The following HTT variants were observed in gnomAD, a reference collection of about 807,000 sequenced individuals.
HTT encodes the protein huntingtin.
HTT carries 104 observed loss-of-function variants against 362.3 expected under a neutral mutation model. That is an observed-to-expected ratio of 0.29 (90% CI 0.24 to 0.34). The LOEUF (loss-of-function observed/expected upper bound fraction) is 0.34. HTT is among the 10% of genes least tolerant of loss of function. The pLI is 1.00. For synonymous variants in HTT, 1,577 were observed against 1,548.7 expected (o/e 1.02, Z -0.43); for missense variants, 3,301 against 3,928.6 (o/e 0.84, Z 4.27).
chr4:3,210,952 G>A (rs1720128451), intron 47 of HTT, among the ~76,000 whole-genome samples: 1 of 133,736 alleles, frequency 7.5e-6, no homozygotes, highest in Non-Finnish European at 1.5e-5. Context: ...CCCCAGGCTG[G>A]AGTGCAATGG....
At chr4:3,202,148 C>G (rs1274887773) in intron 41 of HTT, among the ~76,000 whole-genome samples, 1 of 152,166 alleles carries the variant, frequency 6.6e-6, no homozygotes, top group Admixed American at 6.5e-5. Context: ...CCTGCCTATA[C>G]TTTGGCGCTT....
At chr4:3,088,466 G>A (rs372735508) in intron 2 of HTT, among the ~76,000 whole-genome samples, 18 of 152,212 alleles carry the variant, frequency 1.2e-4, no homozygotes, top group South Asian at 2.1e-4. Context: ...GAGCCACCGC[G>A]CCCGGCCCTC....
In HTT at chr4:3,209,498, T is replaced by C. The variant is rs547471149; in HGVS notation, c.6292-329T>C. The stretch of plus-strand genomic sequence containing the variant: ...TATTCGCTAAGCACCTGCCCTGCCC[T>C]GGTTGCTGGGGAGAGATGAGTAAAG... On this transcript the variant is annotated intron_variant, in intron 46 of 66. Coordinates refer to ENST00000355072, the MANE Select transcript of HTT (RefSeq NM_001388492.1). Among the ~76,000 whole-genome samples the C allele has an allele frequency of 2.6e-5, 4 of 152,356 alleles. No individual in the cohort carries two copies. In the East Asian group the frequency reaches 7.7e-4, roughly 29 times the overall value.
chr4:3,117,461 A>G (rs1234839042), intron 8 of HTT, among the ~76,000 whole-genome samples: 1 of 152,110 alleles, frequency 6.6e-6, no homozygotes, highest in Non-Finnish European at 1.5e-5. Context: ...TTTGAAAGCA[A>G]ACCCCAATTA....
rs1713211112 is a variant in HTT at position 3,086,428 on chromosome 4, TG to T, written c.264-508del. On this transcript the variant is annotated intron_variant, in intron 1 of 66. Transcript: ENST00000355072. ...GCTCATACCTATAATCCCAGTGCTT[TG>T]GGAGGCCAAGATGGGAAGATCGCTT... Among the ~76,000 whole-genome samples the T allele has an allele frequency of 2.0e-5, 3 of 152,146 alleles. No individual in the cohort carries two copies. In the South Asian group the frequency reaches 6.2e-4, roughly 32 times the overall value.
intron 50 of HTT, 52 bp downstream of exon 50, chr4:3,214,187 C>T (rs1403421742): frequency 7.5e-6 from 10 of 1,327,026 alleles, no homozygotes; most frequent in Non-Finnish European, 9.9e-6. Context: ...CTGTCTGCTT[C>T]ACCATGTTTT....
chr4:3,237,831 G>A (rs1187732808), intron 64 of HTT, among the ~76,000 whole-genome samples: 3 of 152,188 alleles, frequency 2.0e-5, no homozygotes, highest in Non-Finnish European at 2.9e-5. Context: ...CTCAGGGGGC[G>A]TGTTTCAGGA....
At chr4:3,226,814 C>A (rs1346745430) in intron 57 of HTT, among the ~76,000 whole-genome samples, 1 of 152,232 alleles carries the variant, frequency 6.6e-6, no homozygotes, top group African/African-American at 2.4e-5. Context: ...CTGCTCTCTG[C>A]CTGTACTGTC....
rs144506144 is a variant in HTT at position 3,112,609 on chromosome 4, G to A, written c.748-2695G>A. Among the ~76,000 whole-genome samples, 371 of 152,294 alleles carry A rather than the reference G, an allele frequency of 2.4e-3. 1 individual carries two copies. The highest frequency in any genetic ancestry group is 8.5e-3 in the African/African-American group (352 of 41,556). On this transcript the variant is annotated intron_variant, in intron 6 of 66. Transcript: ENST00000355072. ...TATTAGTATTCCTGTAGTTTTAGGA[G>A]CTTCATAGCATTCCATTGTAGGGAT... is the stretch of plus-strand genomic sequence containing the variant.
In HTT at chr4:3,186,549, C is replaced by A; in HGVS notation, c.4867-48C>A. The A allele has an allele frequency of 1.9e-6, 3 of 1,598,782 alleles. No homozygotes were observed. In the South Asian group the frequency reaches 3.3e-5, roughly 18 times the overall value. ...ACATAGCTGGTGTACAGGAAGCTGT[C>A]GTTTCTTTTGGCTTACGTAGAAATG... On this transcript the variant is annotated intron_variant, in intron 37 of 66. Transcript: ENST00000355072.
At chr4:3,195,341 AC>A (rs1221279736) in intron 40 of HTT, among the ~76,000 whole-genome samples, 3 of 151,992 alleles carry the variant, frequency 2.0e-5, no homozygotes, top group Non-Finnish European at 4.4e-5. Flanking sequence ...TGTTTAGCTC[AC>A]AAAAACACGG....
At chr4:3,186,118 C>G (rs1276981260) in intron 37 of HTT, among the ~76,000 whole-genome samples, 1 of 151,852 alleles carries the variant, frequency 6.6e-6, no homozygotes, top group Non-Finnish European at 1.5e-5. Flanking sequence ...GCTATAGGAA[C>G]ATGGGGCAGA....
At chr4:3,167,968 C>T (rs546296624) in intron 29 of HTT, among the ~76,000 whole-genome samples, 2 of 152,284 alleles carry the variant, frequency 1.3e-5, no homozygotes, top group South Asian at 2.1e-4. Context: ...AGCTTTCTCG[C>T]ATATCCTTTT....
intron 1 of HTT, 71 bp from the exon 2 acceptor site, chr4:3,086,868 G>A (rs922204593): frequency 3.7e-5 from 29 of 775,500 alleles, no homozygotes; most frequent in Non-Finnish European, 3.4e-5. Context: ...CTGAATGAAT[G>A]AATGAGGTGT....
chr4:3,187,744 C>A lies in HTT; in HGVS notation c.5083C>A (p.Arg1695Ser). 1 of 1,613,898 alleles carries A rather than the reference C, an allele frequency of 6.2e-7. No homozygotes were observed. The highest frequency in any genetic ancestry group is 8.5e-7 in the Non-Finnish European group (1 of 1,179,784). Residue 1695 changes from arginine to serine, a missense_variant, in exon 39 of 67, where the codon CGT becomes AGT. By Grantham distance (110) the Arg-to-Ser change is moderately radical. Coordinates refer to ENST00000355072, the MANE Select transcript of HTT (RefSeq NM_001388492.1). Reference sequence around the variant, plus strand: ...GTCAACTGAAGATATTGTTCTTTCTCGTATTCAGGAGCTCTCCTTCTCTCC... The same window carrying A: ...GTCAACTGAAGATATTGTTCTTTCTAGTATTCAGGAGCTCTCCTTCTCTCC... The part of the protein sequence containing the change: ...SQSTEDIVLS[R>S]IQELSFSPYL...
At chr4:3,155,797 C>T (rs1717114433) in intron 27 of HTT, among the ~76,000 whole-genome samples, 1 of 144,984 alleles carries the variant, frequency 6.9e-6, no homozygotes, top group Admixed American at 6.9e-5. Flanking sequence ...ACTTGGGAGG[C>T]TGAGGCAGGA....
chr4:3,201,157 T>C (rs1719513646), intron 41 of HTT, among the ~76,000 whole-genome samples: 1 of 152,268 alleles, frequency 6.6e-6, no homozygotes, highest in Admixed American at 6.5e-5. Context: ...GTAAATTCTG[T>C]GACTGTTTCG....
chr4:3,172,605 G>A lies in HTT; in HGVS notation c.3942+208G>A, dbSNP rs573682319. On this transcript the variant is annotated intron_variant, in intron 30 of 66. Transcript: ENST00000355072. ...GAGGACGAGGTCTGTCACTGTGGAG[G>A]GCAGAGGACACCAGAAGCTCCTCTG... Among the ~76,000 whole-genome samples the A allele has an allele frequency of 2.6e-5, 4 of 152,236 alleles. No homozygotes were observed. The East Asian group carries it at 7.7e-4, about 29-fold the overall frequency.
chr4:3,176,599 A>G (rs139240222), intron 33 of HTT, among the ~76,000 whole-genome samples: 26 of 152,268 alleles, frequency 1.7e-4, no homozygotes, highest in African/African-American at 6.0e-4. Flanking sequence ...CAGAGCCCTG[A>G]TTTGTTCCAT....
Sources: gnomAD v4.1 joint callset for allele counts (sites outside exome capture counted in the v4.1 genomes callset) on GRCh38, gnomAD v4.1.1 for gene constraint, MANE v1.5 for transcripts, NCBI Gene and HGNC (gene_info 2026-07-23, HGNC 2026-07-21) for gene names.